The following STIM1 variants were observed in gnomAD, a reference collection of about 807,000 sequenced individuals.
STIM1 encodes stromal interaction molecule 1.
In STIM1, 25 loss-of-function variants were observed where a neutral mutation model predicts 74.7. The ratio of observed to expected loss-of-function variants is 0.33; its 90% CI spans 0.24 to 0.47. The LOEUF (loss-of-function observed/expected upper bound fraction) is 0.47, where lower values mean the gene tolerates loss of function less well. Ranked by LOEUF, STIM1 falls within the 20% of genes least tolerant of loss-of-function variation. The pLI, the probability that STIM1 is intolerant of heterozygous loss-of-function variation, is 1.00. For missense variants in STIM1, 728 were observed against 920.8 expected (o/e 0.79, Z 2.71); for synonymous variants, 328 against 348.8 (o/e 0.94, Z 0.66).
intron 2 of STIM1, among the ~76,000 whole-genome samples, chr11:4,012,405 A>C (rs2093846915): frequency 6.6e-6 from 1 of 152,102 alleles, no homozygotes. Context: ...TTCGTTGAGC[A>C]GTTGTTTGTA....
At chr11:4,080,934 G>T (rs1265156586) in intron 7 of STIM1, among the ~76,000 whole-genome samples, 2 of 151,568 alleles carry the variant, frequency 1.3e-5, no homozygotes, top group African/African-American at 4.9e-5. Flanking sequence ...TTCAGACTTG[G>T]TATATTAGTC....
At position 3,996,433 on chromosome 11, in the gene STIM1, G is replaced by A. The variant is rs2093663969; in HGVS notation, c.271-27440G>A. Among the ~76,000 whole-genome samples the A allele has an allele frequency of 2.0e-5, 3 of 152,166 alleles. No individual in the cohort carries two copies. The South Asian group carries it at 6.2e-4, about 32-fold the overall frequency. ...AGTGGGGTTTAAACGGGACAAAAGAGGCCCACCTTTTAGCTGCACTCACTT... is the reference window on the plus strand; with the variant it reads ...AGTGGGGTTTAAACGGGACAAAAGAAGCCCACCTTTTAGCTGCACTCACTT... On this transcript the variant is annotated intron_variant, in intron 2 of 12. Transcript: ENST00000526596.
At chr11:4,068,836 C>T (rs1443524807) in intron 5 of STIM1, among the ~76,000 whole-genome samples, 1 of 152,180 alleles carries the variant, frequency 6.6e-6, no homozygotes, top group African/African-American at 2.4e-5. Context: ...GCATCAGTAT[C>T]ATATGGTTTC....
In STIM1 at chr11:3,901,994, G is replaced by A. The variant is rs564470947; in HGVS notation, c.139+45585G>A. Among the ~76,000 whole-genome samples, 5 of 152,236 alleles carry A rather than the reference G, an allele frequency of 3.3e-5. No individual in the cohort carries two copies. The South Asian group carries it at 8.3e-4, about 25-fold the overall frequency. ...TATTGCCCAGGCTGGTCTCGAACTC[G>A]TGAGCTCAAGCAATCTTCCTGCCTT... On this transcript the variant is annotated intron_variant, in intron 1 of 12. Transcript: ENST00000526596.
chr11:4,080,941 A>C (rs73417150), intron 7 of STIM1, among the ~76,000 whole-genome samples: 3,219 of 152,210 alleles, frequency 0.021, 114 homozygotes, highest in African/African-American at 0.074. Context: ...TTGGTATATT[A>C]GTCTCTAAGG....
chr11:3,873,713 G>A (rs1322400786), intron 1 of STIM1, among the ~76,000 whole-genome samples: 1 of 152,156 alleles, frequency 6.6e-6, no homozygotes, highest in African/African-American at 2.4e-5. Flanking sequence ...ACCTACGCAG[G>A]AAGGGTGTTA....
At chr11:3,970,543 GT>G (rs111602159) in intron 2 of STIM1, among the ~76,000 whole-genome samples, 85 of 145,720 alleles carry the variant, frequency 5.8e-4, no homozygotes, top group East Asian at 1.0e-3. Context: ...GACCTGAAGG[GT>G]TTTTTTTTTT....
At chr11:4,008,013 A>C (rs774358014) in intron 2 of STIM1, among the ~76,000 whole-genome samples, 1 of 152,154 alleles carries the variant, frequency 6.6e-6, no homozygotes, top group Non-Finnish European at 1.5e-5. Flanking sequence ...ACATATATAT[A>C]TTCATACTCA....
chr11:3,858,641 A>G (rs374569515), intron 1 of STIM1, among the ~76,000 whole-genome samples: 187 of 152,318 alleles, frequency 1.2e-3, no homozygotes, highest in Non-Finnish European at 2.0e-3. Context: ...GAAACTTTCT[A>G]TGCAACTAGG....
intron 1 of STIM1, among the ~76,000 whole-genome samples, chr11:3,891,049 T>A (rs1445028361): frequency 6.6e-6 from 1 of 152,224 alleles, no homozygotes; most frequent in Non-Finnish European, 1.5e-5. Context: ...TTAATAATAA[T>A]GCTAATTGTT....
intron 3 of STIM1, among the ~76,000 whole-genome samples, chr11:4,031,976 G>C (rs948181067): frequency 6.6e-6 from 1 of 152,076 alleles, no homozygotes. Context: ...ATTTCTTTCT[G>C]TTTCTTTCTA....
Position 4,001,229 on chromosome 11 carries a change from C to G in STIM1, c.271-22644C>G, listed in dbSNP as rs879649749. Among the ~76,000 whole-genome samples the G allele has an allele frequency of 1.2e-3, 188 of 151,788 alleles. 1 individual carries two copies. The highest frequency in any genetic ancestry group is 6.8e-3 in the Middle Eastern group (2 of 294). The stretch of plus-strand genomic sequence containing the variant: ...GGCCAACATTCAGATTCAGGAAATA[C>G]AGAGAACGCCACAAAGATACTCCTC... On this transcript the variant is annotated intron_variant, in intron 2 of 12. Coordinates refer to ENST00000526596, the MANE Select transcript of STIM1 (RefSeq NM_001382567.1).
chr11:3,882,752 A>G (rs1267746329), intron 1 of STIM1, among the ~76,000 whole-genome samples: 1 of 152,208 alleles, frequency 6.6e-6, no homozygotes, highest in Non-Finnish European at 1.5e-5. Flanking sequence ...CAGCTGAACC[A>G]CTTTTTACTT....
At chr11:3,873,359 A>G (rs532785518) in intron 1 of STIM1, among the ~76,000 whole-genome samples, 1 of 150,136 alleles carries the variant, frequency 6.7e-6, no homozygotes, top group African/African-American at 2.5e-5. Flanking sequence ...CGTAGGTTGC[A>G]GTGAGCCGAG....
intron 2 of STIM1, 150 bp downstream of exon 2, chr11:3,967,832 A>G: frequency 8.5e-7 from 1 of 1,175,270 alleles, no homozygotes. Flanking sequence ...TGGCTCCCAG[A>G]AGAGCAGCCC....
chr11:3,873,418 CAAAAA>C (rs1159126517), intron 1 of STIM1, among the ~76,000 whole-genome samples: 3 of 57,134 alleles, frequency 5.3e-5, no homozygotes, highest in Admixed American at 2.0e-4. Flanking sequence ...AGCTCCATTT[CAAAAA>C]AAAAAAAAAA....
chr11:3,900,001 A>G (rs958845514), intron 1 of STIM1, among the ~76,000 whole-genome samples: 14 of 152,124 alleles, frequency 9.2e-5, no homozygotes, highest in African/African-American at 1.4e-4. Flanking sequence ...GTCTCTGCCC[A>G]GCTTTGGTAT....
chr11:4,020,029 A>T (rs1332643234), intron 2 of STIM1, among the ~76,000 whole-genome samples: 2 of 152,178 alleles, frequency 1.3e-5, no homozygotes, highest in Non-Finnish European at 2.9e-5. Context: ...TCCATATATG[A>T]GTGAGAACAT....
At chr11:3,965,600 C>G (rs956800073) in intron 1 of STIM1, among the ~76,000 whole-genome samples, 19 of 152,372 alleles carry the variant, frequency 1.2e-4, no homozygotes, top group African/African-American at 4.3e-4. Flanking sequence ...TAAGTTCCCA[C>G]TACCCCTTCA....
Sources: allele counts gnomAD v4.1 joint callset (sites outside exome capture counted in the v4.1 genomes callset), GRCh38; gene constraint gnomAD v4.1.1; transcripts MANE v1.5; gene names NCBI Gene and HGNC (gene_info 2026-07-23, HGNC 2026-07-21).